Variants in GPC5 observed in about 807,000 individuals in gnomAD.
GPC5 encodes the protein glypican-5.
A neutral mutation model predicts 53.9 loss-of-function variants in GPC5; 47 were observed. The ratio of observed to expected loss-of-function variants is 0.87; its 90% CI spans 0.69 to 1.11. The LOEUF is 1.11. Ranked by LOEUF, GPC5 falls within the 50% of genes most tolerant of loss-of-function variation. The pLI is 0.00. For missense variants in GPC5, 748 were observed against 713.1 expected, an observed-to-expected ratio of 1.05 and a Z score of -0.56; for synonymous variants, 286 against 263.3, an observed-to-expected ratio of 1.09 and a Z score of -0.84.
At chr13:92,293,422 CTTTTTTTTTTTTTTT>C (rs748125673) in intron 7 of GPC5, among the ~76,000 whole-genome samples, 1 of 77,272 alleles carries the variant, frequency 1.3e-5, no homozygotes, top group African/African-American at 5.6e-5. Flanking sequence ...TGGTTGGTTT[CTTTTTTTTTTTTTTT>C]TTTTTTTTTT....
chr13:92,090,228 C>T (rs1466283873), intron 6 of GPC5, among the ~76,000 whole-genome samples: 2 of 152,084 alleles, frequency 1.3e-5, no homozygotes, highest in Non-Finnish European at 2.9e-5. Context: ...TCTCTAGAGG[C>T]ATAAAATATA....
chr13:92,524,741 T>C (rs1881209047), intron 7 of GPC5, among the ~76,000 whole-genome samples: 1 of 152,082 alleles, frequency 6.6e-6, no homozygotes, highest in South Asian at 2.1e-4. Context: ...CTAAAAGTAG[T>C]TATTGCTTAT....
rs1879682074 is a variant in GPC5 at position 92,489,543 on chromosome 13, G to A, written c.1561+344554G>A. Among the ~76,000 whole-genome samples, 5 of 152,224 alleles carry A rather than the reference G, an allele frequency of 3.3e-5. No individual in the cohort carries two copies. The South Asian group carries it at 1.0e-3, about 32-fold the overall frequency. On this transcript the variant is annotated intron_variant, in intron 7 of 7. Transcript: ENST00000377067. ...GGATATGGACAGGGTTACTCGAAAGGTGGTATTGGAGTAGATAACTGAAGG... is the reference window on the plus strand; with the variant it reads ...GGATATGGACAGGGTTACTCGAAAGATGGTATTGGAGTAGATAACTGAAGG...
chr13:92,308,401 A>T (rs770185507), intron 7 of GPC5, among the ~76,000 whole-genome samples: 2 of 152,206 alleles, frequency 1.3e-5, no homozygotes, highest in Non-Finnish European at 2.9e-5. Flanking sequence ...TATATGAACG[A>T]TACATCTCAA....
chr13:91,407,658 TC>T (rs1877423408), intron 1 of GPC5, among the ~76,000 whole-genome samples: 1 of 152,174 alleles, frequency 6.6e-6, no homozygotes, highest in Non-Finnish European at 1.5e-5. Context: ...CCCTTGTTAA[TC>T]CCATGTCGGG....
chr13:92,036,456 G>A (rs140105506), intron 6 of GPC5, among the ~76,000 whole-genome samples: 1 of 152,292 alleles, frequency 6.6e-6, no homozygotes, highest in African/African-American at 2.4e-5. Flanking sequence ...GCGCTTTCTT[G>A]ATTCCTCTTA....
At chr13:91,624,280 A>G (rs1310588665) in intron 2 of GPC5, among the ~76,000 whole-genome samples, 3 of 152,170 alleles carry the variant, frequency 2.0e-5, no homozygotes, top group East Asian at 3.9e-4. Flanking sequence ...ATTATCAGAC[A>G]AAATGGTCAA....
chr13:92,698,044 G>A (rs551918598), intron 7 of GPC5, among the ~76,000 whole-genome samples: 3 of 152,280 alleles, frequency 2.0e-5, no homozygotes, highest in Admixed American at 6.5e-5. Flanking sequence ...TCCCAGGGAC[G>A]AAGCTGACTT....
intron 7 of GPC5, among the ~76,000 whole-genome samples, chr13:92,204,418 C>T (rs529250426): frequency 1.3e-5 from 2 of 152,180 alleles, no homozygotes; most frequent in East Asian, 3.9e-4. Flanking sequence ...TAATGTTTGC[C>T]AAGAACTAGC....
chr13:91,932,731 G>A (rs1011470561), intron 6 of GPC5, among the ~76,000 whole-genome samples: 2 of 151,874 alleles, frequency 1.3e-5, no homozygotes, highest in African/African-American at 4.8e-5. Context: ...TCAGAGTCAT[G>A]CACAGATTAG....
chr13:91,714,092 T>C (rs2036284030), intron 3 of GPC5, among the ~76,000 whole-genome samples: 1 of 152,172 alleles, frequency 6.6e-6, no homozygotes, highest in Non-Finnish European at 1.5e-5. Flanking sequence ...TTGATTAATT[T>C]CTTTAATATA....
chr13:92,407,073 C>T (rs985147776), intron 7 of GPC5, among the ~76,000 whole-genome samples: 1 of 152,096 alleles, frequency 6.6e-6, no homozygotes. Context: ...TGGGCAAATA[C>T]CCAATAGCAA....
intron 6 of GPC5, among the ~76,000 whole-genome samples, chr13:91,915,339 C>T (rs1254118502): frequency 6.6e-6 from 1 of 152,100 alleles, no homozygotes; most frequent in Non-Finnish European, 1.5e-5. Context: ...CACTATTAGA[C>T]ATTTCATTTA....
intron 6 of GPC5, among the ~76,000 whole-genome samples, chr13:92,134,977 TCA>T (rs2041772219): frequency 6.6e-6 from 1 of 152,142 alleles, no homozygotes; most frequent in Non-Finnish European, 1.5e-5. Context: ...GAAATTTGCG[TCA>T]CACATCTAAT....
chr13:91,408,669 T>C (rs1280903929), intron 1 of GPC5, among the ~76,000 whole-genome samples: 1 of 152,172 alleles, frequency 6.6e-6, no homozygotes, highest in Non-Finnish European at 1.5e-5. Context: ...CTTAAATATG[T>C]TTCAAATGTT....
intron 7 of GPC5, among the ~76,000 whole-genome samples, chr13:92,563,181 G>T (rs1465772441): frequency 1.3e-5 from 2 of 152,064 alleles, no homozygotes; most frequent in Admixed American, 6.6e-5. Context: ...CATCTGTAAA[G>T]TCTATAAGAT....
chr13:91,679,113 A>G (rs1489891874), intron 2 of GPC5, among the ~76,000 whole-genome samples: 1 of 152,182 alleles, frequency 6.6e-6, no homozygotes, highest in Non-Finnish European at 1.5e-5. Flanking sequence ...CAAAGTGGAT[A>G]AGAGAGATAT....
At chr13:92,460,914 A>G (rs757790723) in intron 7 of GPC5, among the ~76,000 whole-genome samples, 20 of 152,196 alleles carry the variant, frequency 1.3e-4, no homozygotes, top group Non-Finnish European at 2.5e-4. Flanking sequence ...AGTAGGAGGT[A>G]TGAGTTGTAT....
At chr13:92,773,827 T>C (rs1875697856) in intron 7 of GPC5, among the ~76,000 whole-genome samples, 1 of 152,174 alleles carries the variant, frequency 6.6e-6, no homozygotes, top group African/African-American at 2.4e-5. Flanking sequence ...AATAAAGACA[T>C]ACCCAAGACT....
Sources: gnomAD v4.1 joint callset for allele counts (sites outside exome capture counted in the v4.1 genomes callset) on GRCh38, gnomAD v4.1.1 for gene constraint, MANE v1.5 for transcripts, NCBI Gene and HGNC (gene_info 2026-07-23, HGNC 2026-07-21) for gene names.